GRM5: variants seen among roughly 807,000 people sequenced by gnomAD.
The protein encoded by GRM5 is metabotropic glutamate receptor 5.
A neutral mutation model predicts 83.1 loss-of-function variants in GRM5; 19 were observed. The observed-to-expected ratio is 0.23, with a 90% CI of 0.16 to 0.34. The LOEUF (loss-of-function observed/expected upper bound fraction) is 0.34, where lower values mean the gene tolerates loss of function less well. Among genes scored for constraint, GRM5 ranks in the 10% least tolerant of loss-of-function variants. The pLI is 1.00. For missense variants in GRM5, 1,160 were observed against 1,588.3 expected (o/e 0.73, Z 4.58); for synonymous variants, 675 against 633.6 (o/e 1.07, Z -0.98).
chr11:88,951,074 A>G (rs1451730750), intron 2 of GRM5, among the ~76,000 whole-genome samples: 1 of 38,612 alleles, frequency 2.6e-5, no homozygotes. Flanking sequence ...ATGGCAGATT[A>G]GAGTGTGTGT....
intron 3 of GRM5, among the ~76,000 whole-genome samples, chr11:88,708,196 G>A (rs1248476413): frequency 6.6e-6 from 1 of 152,048 alleles, no homozygotes; most frequent in Non-Finnish European, 1.5e-5. Flanking sequence ...ACTCCTGCTT[G>A]CCAACATGTT....
intron 2 of GRM5, among the ~76,000 whole-genome samples, chr11:88,930,580 A>G (rs1430384444): frequency 6.6e-6 from 1 of 151,852 alleles, no homozygotes; most frequent in Non-Finnish European, 1.5e-5. Flanking sequence ...CTGGAGTGCA[A>G]TGGTGAGATC....
At chr11:88,733,826 G>A (rs1478942723) in intron 3 of GRM5, among the ~76,000 whole-genome samples, 4 of 151,932 alleles carry the variant, frequency 2.6e-5, no homozygotes, top group African/African-American at 9.7e-5. Flanking sequence ...AAACTTTAGA[G>A]AAAGGCAGTT....
chr11:88,993,878 T>C (rs986288851), intron 2 of GRM5, among the ~76,000 whole-genome samples: 30 of 152,238 alleles, frequency 2.0e-4, no homozygotes, highest in African/African-American at 7.2e-4. Context: ...TGAGCCACCA[T>C]ACCCAACTAG....
chr11:89,040,423 G>T (rs1941502459), intron 2 of GRM5, among the ~76,000 whole-genome samples: 1 of 152,140 alleles, frequency 6.6e-6, no homozygotes, highest in African/African-American at 2.4e-5. Context: ...AAGAAAGAAA[G>T]ACAATGTCGG....
chr11:88,739,365 A>G (rs1413259143), intron 3 of GRM5, among the ~76,000 whole-genome samples: 1 of 152,082 alleles, frequency 6.6e-6, no homozygotes, highest in Admixed American at 6.6e-5. Context: ...AAGTTTATCA[A>G]TTGCCCCACT....
In GRM5 at chr11:88,870,015, G is replaced by T. The variant is rs1944736667; in HGVS notation, c.662-19860C>A. ...TAATAGAAGTAAGAAAAAATATAAG[G>T]GAAGAAATAATTCTAGGGAGAGGTT... is the stretch of plus-strand genomic sequence containing the variant. On this transcript the variant is annotated intron_variant, in intron 2 of 9. Transcript: ENST00000305447. Among the ~76,000 whole-genome samples the T allele has an allele frequency of 3.3e-5, 5 of 151,448 alleles. No individual in the cohort carries two copies. In the Admixed American group the frequency reaches 3.3e-4, roughly 10 times the overall value.
At chr11:89,003,080 TA>T (rs1940432227) in intron 2 of GRM5, among the ~76,000 whole-genome samples, 1 of 152,184 alleles carries the variant, frequency 6.6e-6, no homozygotes, top group Non-Finnish European at 1.5e-5. Flanking sequence ...AAAAACATGT[TA>T]AATGGAAGAA....
chr11:88,633,394 C>A (rs896869167), intron 4 of GRM5, among the ~76,000 whole-genome samples: 1 of 152,048 alleles, frequency 6.6e-6, no homozygotes, highest in African/African-American at 2.4e-5. Flanking sequence ...TTCTACTGAT[C>A]GTGTTTTGCT....
intron 2 of GRM5, among the ~76,000 whole-genome samples, chr11:89,023,680 C>T (rs1413544902): frequency 1.2e-4 from 18 of 151,172 alleles, no homozygotes; most frequent in Non-Finnish European, 2.2e-4. Context: ...CCCGTCTCTA[C>T]TAAAAATAAA....
At chr11:88,823,194 C>T (rs1943832270) in intron 3 of GRM5, among the ~76,000 whole-genome samples, 1 of 151,112 alleles carries the variant, frequency 6.6e-6, no homozygotes, top group South Asian at 2.1e-4. Context: ...TTATTTGTTA[C>T]ATATGCTTTC....
At chr11:88,903,148 C>G (rs191183726) in intron 2 of GRM5, among the ~76,000 whole-genome samples, 2 of 151,554 alleles carry the variant, frequency 1.3e-5, no homozygotes, top group African/African-American at 4.9e-5. Flanking sequence ...GGGGCAGGGG[C>G]GAAGCAAATG....
intron 8 of GRM5, among the ~76,000 whole-genome samples, chr11:88,527,385 T>G (rs923912004): frequency 6.6e-6 from 1 of 152,114 alleles, no homozygotes; most frequent in Admixed American, 6.6e-5. Context: ...CCACACACAC[T>G]CTGCCAGGTG....
intron 2 of GRM5, among the ~76,000 whole-genome samples, chr11:89,043,858 C>T (rs77370008): frequency 1.3e-5 from 2 of 152,022 alleles, no homozygotes; most frequent in African/African-American, 4.8e-5. Flanking sequence ...TTTGGAAAAC[C>T]TGGGTGCTCT....
intron 4 of GRM5, among the ~76,000 whole-genome samples, chr11:88,616,760 A>AT (rs1315212906): frequency 1.3e-5 from 2 of 152,240 alleles, no homozygotes; most frequent in South Asian, 4.1e-4. Context: ...ACTAGTACTG[A>AT]TTTTTATCAT....
chr11:88,893,850 G>T (rs529262299), intron 2 of GRM5, among the ~76,000 whole-genome samples: 25 of 151,916 alleles, frequency 1.6e-4, no homozygotes, highest in Non-Finnish European at 1.2e-4. Flanking sequence ...AGCAGTTAGG[G>T]TTACCACTCC....
chr11:88,570,580 T>A (rs1281383001), intron 7 of GRM5, among the ~76,000 whole-genome samples: 44 of 115,040 alleles, frequency 3.8e-4, no homozygotes, highest in East Asian at 1.9e-3. Context: ...TATTTTTTTT[T>A]TTTTTTTTTT....
At chr11:89,039,109 C>CA (rs2135137527) in intron 2 of GRM5, among the ~76,000 whole-genome samples, 2 of 151,810 alleles carry the variant, frequency 1.3e-5, no homozygotes, top group East Asian at 2.0e-4. Context: ...ACTAAAAATA[C>CA]AAAAAATTAG....
At chr11:88,886,143 C>T (rs60623695) in intron 2 of GRM5, among the ~76,000 whole-genome samples, 6 of 152,188 alleles carry the variant, frequency 3.9e-5, no homozygotes, top group Non-Finnish European at 8.8e-5. Context: ...GTCCTTTCCA[C>T]TCAGAGACCT....
Sources: allele counts gnomAD v4.1 joint callset (sites outside exome capture counted in the v4.1 genomes callset), GRCh38; gene constraint gnomAD v4.1.1; transcripts MANE v1.5; gene names NCBI Gene and HGNC (gene_info 2026-07-23, HGNC 2026-07-21).